The following NEK5 variants were observed in gnomAD, a reference collection of about 807,000 sequenced individuals.
The protein encoded by NEK5 is serine/threonine-protein kinase Nek5.
A neutral mutation model predicts 109.2 loss-of-function variants in NEK5; 88 were observed. The observed-to-expected ratio is 0.81, with a 90% CI of 0.68 to 0.96. NEK5 has a LOEUF of 0.96. Ranked by LOEUF, NEK5 falls within the 40% of genes least tolerant of loss-of-function variation. The pLI is 0.00. For synonymous variants in NEK5, 283 were observed against 299.9 expected (o/e 0.94, Z 0.58); for missense variants, 834 against 920.7 (o/e 0.91, Z 1.22).
chr13:52,085,368 C>A (rs1233456888), intron 16 of NEK5, among the ~76,000 whole-genome samples: 1 of 152,188 alleles, frequency 6.6e-6, no homozygotes, highest in African/African-American at 2.4e-5. Flanking sequence ...TTGGGTATGT[C>A]TTTATTAGCA....
chr13:52,063,492 C>G (rs1447488186), intron 21 of NEK5, among the ~76,000 whole-genome samples: 4 of 150,396 alleles, frequency 2.7e-5, no homozygotes, highest in East Asian at 2.0e-4. Flanking sequence ...GCCCGGCCGC[C>G]ACCCCGTCTG....
In NEK5 at chr13:52,056,123, A is replaced by G. The variant is rs59629985; in HGVS notation, c.2110+5696T>C. ...GGAAGATCTACCAAGCAAATGGAAA[A>G]CAAAAAAAGGCAGGGTTGCAATCCT... is the stretch of plus-strand genomic sequence containing the variant. On this transcript the variant is annotated intron_variant, in intron 22 of 23. Transcript: ENST00000684899. Among the ~76,000 whole-genome samples the G allele has an allele frequency of 2.0e-5, 3 of 151,078 alleles. No homozygotes were observed. In the East Asian group the frequency reaches 5.8e-4, roughly 29 times the overall value.
chr13:52,108,910 T>G lies in NEK5; in HGVS notation c.468-506A>C, dbSNP rs146298828. On this transcript the variant is annotated intron_variant, in intron 7 of 23. Coordinates refer to ENST00000684899, the MANE Select transcript of NEK5 (RefSeq NM_001365552.1). ...ATTTTCTTTGCTTAGTATAACAAAG[T>G]TATCAAGAAGTCTTCAAAACCATAA... is the stretch of plus-strand genomic sequence containing the variant. Among the ~76,000 whole-genome samples, 3 of 152,352 alleles carry G rather than the reference T, an allele frequency of 2.0e-5. No homozygotes were observed. In the East Asian group the frequency reaches 5.8e-4, roughly 29 times the overall value.
chr13:52,057,969 A>G (rs1404695946), intron 22 of NEK5, among the ~76,000 whole-genome samples: 1 of 152,088 alleles, frequency 6.6e-6, no homozygotes, highest in African/African-American at 2.4e-5. Flanking sequence ...AGGCAGGAGA[A>G]GCAAATAAAG....
rs189264146 is a variant in NEK5, at chr13:52,035,240, A to G, written c.*1708T>C. On this transcript the variant is annotated 3_prime_UTR_variant, in exon 24 of 24. Transcript: ENST00000684899. ...AAGTTGAAAGAACAGTCTGTCAAAC[A>G]TCAGGAAATAGTCACAAAAAACTGG... 1 of 151,990 alleles carries G rather than the reference A, an allele frequency of 6.6e-6. No homozygotes were observed. Among genetic ancestry groups the G allele is most frequent in the African/African-American group, 2.4e-5 (1 of 41,462 alleles). The allele number at this position is 151,990 out of a possible 1,614,324, so 9.4% of individuals were successfully genotyped here.
intron 3 of NEK5, among the ~76,000 whole-genome samples, chr13:52,121,861 A>C (rs1466925737): frequency 1.3e-5 from 2 of 152,230 alleles, no homozygotes; most frequent in Non-Finnish European, 2.9e-5. Flanking sequence ...AATCGTAGCC[A>C]AAAAACCAAC....
chr13:52,059,517 A>C (rs1011225870), intron 22 of NEK5, among the ~76,000 whole-genome samples: 1 of 147,474 alleles, frequency 6.8e-6, no homozygotes, highest in Non-Finnish European at 1.5e-5. Context: ...ATGTTTATTG[A>C]GGCATTATTC....
chr13:52,076,697 T>C (rs1303103687), intron 17 of NEK5, among the ~76,000 whole-genome samples: 1 of 152,218 alleles, frequency 6.6e-6, no homozygotes, highest in African/African-American at 2.4e-5. Flanking sequence ...TAAATGCCAC[T>C]GTTAAGCAGA....
At chr13:52,122,312 C>G (rs1166722893) in intron 3 of NEK5, among the ~76,000 whole-genome samples, 2 of 152,114 alleles carry the variant, frequency 1.3e-5, no homozygotes, top group Non-Finnish European at 2.9e-5. Flanking sequence ...TAATAAAACA[C>G]CCAGGATGGT....
chr13:52,051,851 AT>A (rs1048044896), intron 22 of NEK5, among the ~76,000 whole-genome samples: 16 of 152,298 alleles, frequency 1.1e-4, no homozygotes, highest in African/African-American at 3.1e-4. Flanking sequence ...CCCTAAAACA[AT>A]TCTGTTGAAT....
rs1174720316 is a variant in NEK5, at chr13:52,110,480, C to T, written c.396+14G>A. 6.2e-7 allele frequency: 1 copy of T among 1,604,148 alleles called. No individual in the cohort carries two copies. The highest frequency in any genetic ancestry group is 2.2e-5 in the East Asian group (1 of 44,794). On this transcript the variant is annotated intron_variant, in intron 6 of 23. Transcript: ENST00000684899. The stretch of plus-strand genomic sequence containing the variant: ...AAGATCAGTTCTGTCTTAGTCTTCT[C>T]TCTGAGCTGTTACCTGAGCTTTTAT...
chr13:52,042,991 C>G (rs1954426373), intron 23 of NEK5, among the ~76,000 whole-genome samples: 1 of 151,766 alleles, frequency 6.6e-6, no homozygotes, highest in Non-Finnish European at 1.5e-5. Flanking sequence ...TTTCACATGA[C>G]AAGGAGCACA....
chr13:52,062,769 T>C (rs1312730754), intron 21 of NEK5, among the ~76,000 whole-genome samples: 1 of 152,144 alleles, frequency 6.6e-6, no homozygotes, highest in Non-Finnish European at 1.5e-5. Flanking sequence ...CAAATGTAAA[T>C]GATGGAATTT....
intron 17 of NEK5, among the ~76,000 whole-genome samples, chr13:52,077,935 G>A (rs558838391): frequency 3.1e-4 from 47 of 152,168 alleles, no homozygotes; most frequent in Admixed American, 2.9e-3. Flanking sequence ...TTAGTCAGGC[G>A]TGGTGGCGCA....
At chr13:52,123,494 G>C (rs1235422020) in intron 3 of NEK5, among the ~76,000 whole-genome samples, 1 of 152,110 alleles carries the variant, frequency 6.6e-6, no homozygotes, top group African/African-American at 2.4e-5. Flanking sequence ...AATTAAAATG[G>C]TTTTATAATT....
rs544842919 is a variant in NEK5, at chr13:52,035,789, G to A, written c.*1159C>T. 20 of 152,230 alleles carry A rather than the reference G, an allele frequency of 1.3e-4. No homozygotes were observed. In the South Asian group the frequency reaches 4.1e-3, roughly 32 times the overall value. The allele number at this position is 152,230 out of a possible 1,614,324, so 9.4% of individuals were successfully genotyped here. A position where few individuals can be genotyped will look rare whatever the true frequency, so the allele number is the denominator to read the frequency against. ...TAGACAAAATGGCCATGGTCATTTA[G>A]TGCATAATTAACACACCATGCCTTG... On this transcript the variant is annotated 3_prime_UTR_variant, in exon 24 of 24. Transcript: ENST00000684899.
intron 3 of NEK5, 134 bp from the exon 4 acceptor site, chr13:52,119,549 G>T: frequency 2.0e-6 from 1 of 504,026 alleles, no homozygotes; most frequent in Non-Finnish European, 3.6e-6. Context: ...ATCTTTCAAT[G>T]GCAGGAAACA....
Position 52,096,372 on chromosome 13 carries a change from A to G in NEK5, c.1027-3137T>C, listed in dbSNP as rs141914329. Among the ~76,000 whole-genome samples, 243 of 152,216 alleles carry G rather than the reference A, an allele frequency of 1.6e-3. 2 individuals carry two copies. Among genetic ancestry groups the G allele is most frequent in the African/African-American group, 5.5e-3 (229 of 41,530 alleles). ...ATGGAAAGTTTGGAATGCCCTAGAG[A>G]CTTCTTAAAATCATAGTGACCAAAA... On this transcript the variant is annotated intron_variant, in intron 12 of 23. Transcript: ENST00000684899.
At chr13:52,045,566 C>G (rs1363743682) in intron 23 of NEK5, among the ~76,000 whole-genome samples, 1 of 144,170 alleles carries the variant, frequency 6.9e-6, no homozygotes, top group African/African-American at 2.6e-5. Flanking sequence ...GAGATCGAGA[C>G]CATCCTGGCT....
Sources: gnomAD v4.1 joint callset for allele counts (sites outside exome capture counted in the v4.1 genomes callset) on GRCh38, gnomAD v4.1.1 for gene constraint, MANE v1.5 for transcripts, NCBI Gene and HGNC (gene_info 2026-07-23, HGNC 2026-07-21) for gene names.